PHF2: variants seen among roughly 807,000 people sequenced by gnomAD.
PHF2 encodes lysine-specific demethylase PHF2.
Under a neutral mutation model 120.5 loss-of-function variants are expected in PHF2, and 27 were observed. The observed-to-expected ratio is 0.22, with a 90% CI of 0.17 to 0.31. The LOEUF is 0.31. PHF2 is among the 10% of genes least tolerant of loss of function. The probability of loss-of-function intolerance (pLI) is 1.00; values close to 1 mark genes in which losing one functional copy is unlikely to be tolerated. For missense variants in PHF2, 1,024 were observed against 1,434.8 expected (o/e 0.71, Z 4.63); for synonymous variants, 568 against 592.5 (o/e 0.96, Z 0.60).
chr9:93,645,618 C>T lies in PHF2; in HGVS notation c.300-11C>T. ...GGCCCAATGTGGCCTCTGACCTGTG[C>T]TTCCCTGCAGTGCTGAAGACGTGGT... On this transcript the variant is annotated splice_polypyrimidine_tract_variant and intron_variant, in intron 3 of 21. Transcript: ENST00000359246. 6.4e-7 allele frequency: 1 copy of T among 1,572,602 alleles called. No homozygotes were observed. The highest frequency in any genetic ancestry group is 8.7e-7 in the Non-Finnish European group (1 of 1,155,532).
chr9:93,617,471 A>G (rs1825747381), intron 1 of PHF2, among the ~76,000 whole-genome samples: 2 of 152,158 alleles, frequency 1.3e-5, no homozygotes, highest in South Asian at 4.1e-4. Flanking sequence ...GGAGCAGGCT[A>G]CTTTCTTAGA....
intron 3 of PHF2, among the ~76,000 whole-genome samples, chr9:93,642,171 G>A (rs1826182110): frequency 6.6e-6 from 1 of 152,222 alleles, no homozygotes; most frequent in Non-Finnish European, 1.5e-5. Flanking sequence ...CCACCGTCTT[G>A]ACTGTAGGAG....
rs1258820874 is a variant in PHF2, at chr9:93,671,195, G to A, written c.2349-2390G>A. The A allele has an allele frequency of 8.2e-6, 8 of 976,056 alleles. 1 individual carries two copies. In the East Asian group the frequency reaches 9.1e-4, roughly 111 times the overall value. 60.5% of individuals were successfully genotyped at this position (976,056 alleles called of 1,614,324 possible). A position where few individuals can be genotyped will look rare whatever the true frequency, so the allele number is the denominator to read the frequency against. ...AGGTACAGGTGTAGATGCAGCTGTGGGTGTGGGAGTAGGCACAGGTGTAGT... is the reference window on the plus strand; with the variant it reads ...AGGTACAGGTGTAGATGCAGCTGTGAGTGTGGGAGTAGGCACAGGTGTAGT... On this transcript the variant is annotated intron_variant, in intron 17 of 21. Coordinates refer to ENST00000359246, the MANE Select transcript of PHF2 (RefSeq NM_005392.4).
chr9:93,661,471 A>G (rs773495021), intron 12 of PHF2, among the ~76,000 whole-genome samples: 1 of 152,148 alleles, frequency 6.6e-6, no homozygotes, highest in Non-Finnish European at 1.5e-5. Flanking sequence ...GGATGAATGA[A>G]TGAATCAGTG....
intron 1 of PHF2, among the ~76,000 whole-genome samples, chr9:93,611,306 T>C (rs1825629557): frequency 6.6e-6 from 1 of 151,538 alleles, no homozygotes; most frequent in African/African-American, 2.4e-5. Context: ...TCCCAGCTAC[T>C]CAGGAGCCTG....
intron 10 of PHF2, 82 bp downstream of exon 10, chr9:93,658,318 C>A: frequency 9.6e-7 from 1 of 1,040,204 alleles, no homozygotes; most frequent in Non-Finnish European, 1.5e-6. Context: ...GCAGCAATGT[C>A]CAGGACTTGT....
At chr9:93,579,423 C>T (rs1862893735) in intron 1 of PHF2, among the ~76,000 whole-genome samples, 1 of 152,172 alleles carries the variant, frequency 6.6e-6, no homozygotes, top group African/African-American at 2.4e-5. Flanking sequence ...CTTACCCAGC[C>T]ATGGGACCAG....
chr9:93,583,253 A>G (rs987395148), intron 1 of PHF2, among the ~76,000 whole-genome samples: 2 of 152,172 alleles, frequency 1.3e-5, no homozygotes, highest in African/African-American at 4.8e-5. Context: ...TGTTTCATTG[A>G]TTTTTATGGC....
intron 1 of PHF2, among the ~76,000 whole-genome samples, chr9:93,612,488 C>T (rs1825653316): frequency 6.6e-6 from 1 of 152,236 alleles, no homozygotes; most frequent in African/African-American, 2.4e-5. Flanking sequence ...TGACATTGCA[C>T]AGCTTCTCAT....
In PHF2 at chr9:93,676,656, C is replaced by T. The variant is rs1826917073; in HGVS notation, c.2895C>T (p.Ser965=). ...AKRKLTPNTT[S]PSTSTSISAG... is the part of the protein sequence containing the mutation. ...GGAAGCTGACTCCTAACACCACCTC[C>T]CCTTCCACCTCCACCTCCATCTCTG... Residue 965 remains serine (S), a synonymous_variant, in exon 21 of 22, where the codon TCC becomes TCT. Coordinates refer to ENST00000359246, the MANE Select transcript of PHF2 (RefSeq NM_005392.4). 2 of 1,603,494 alleles carry T rather than the reference C, an allele frequency of 1.2e-6. No homozygotes were observed. The highest frequency in any genetic ancestry group is 1.7e-5 in the Admixed American group (1 of 58,228).
At chr9:93,663,699 T>G in intron 14 of PHF2, 64 bp downstream of exon 14, 1 of 884,692 alleles carries the variant, frequency 1.1e-6, no homozygotes, top group South Asian at 1.5e-5. Context: ...ACACCATACA[T>G]ACTGCATCAC....
At chr9:93,583,311 A>C (rs2131596903) in intron 1 of PHF2, among the ~76,000 whole-genome samples, 1 of 152,322 alleles carries the variant, frequency 6.6e-6, no homozygotes, top group South Asian at 2.1e-4. Context: ...TCCATTCATC[A>C]GTGTATGGGC....
Position 93,660,392 on chromosome 9 carries a change from G to GCCCCCCCAA in PHF2, c.1535_1536insCCAACCCCC (p.Pro512_Lys513insGlnProPro). 1.1e-6 allele frequency: 1 copy of GCCCCCCCAA among 938,748 alleles called. No homozygotes were observed. The highest frequency in any genetic ancestry group is 1.4e-6 in the Non-Finnish European group (1 of 717,888). The allele number at this position is 938,748 out of a possible 1,614,324, so 58.2% of individuals were successfully genotyped here. On this transcript the variant is annotated inframe_insertion, in exon 12 of 22. Transcript: ENST00000359246. ...CATCCAAAATCCCCAAGCCCCCGAAGCCCCCTAAGCCCCCAAGGCCCCCCA... is the reference window on the plus strand; with the variant it reads ...CATCCAAAATCCCCAAGCCCCCGAAGCCCCCCCAACCCCCTAAGCCCCCAAGGCCCCCCA...
At chr9:93,633,598 G>T (rs1188594126) in intron 2 of PHF2, among the ~76,000 whole-genome samples, 1 of 152,208 alleles carries the variant, frequency 6.6e-6, no homozygotes, top group Non-Finnish European at 1.5e-5. Flanking sequence ...AGCAGGAGGG[G>T]CAGTAGACCT....
intron 12 of PHF2, among the ~76,000 whole-genome samples, 185 bp from the exon 13 acceptor site, chr9:93,662,718 AAATG>A (rs1366628842): frequency 1.4e-5 from 2 of 138,764 alleles, no homozygotes; most frequent in African/African-American, 5.3e-5. Flanking sequence ...ATGAATGAAT[AAATG>A]GATGGATGGA....
At chr9:93,671,982 G>T (rs1191340156) in intron 17 of PHF2, among the ~76,000 whole-genome samples, 1 of 140,414 alleles carries the variant, frequency 7.1e-6, no homozygotes, top group African/African-American at 2.7e-5. Flanking sequence ...GCAGATGTGG[G>T]TGTGGGAGTA....
intron 1 of PHF2, among the ~76,000 whole-genome samples, chr9:93,617,273 G>C (rs1317781007): frequency 6.6e-6 from 1 of 152,208 alleles, no homozygotes; most frequent in Non-Finnish European, 1.5e-5. Flanking sequence ...CATGAGCAGG[G>C]CTAGCAAGCA....
At chr9:93,603,717 T>G (rs1293528726) in intron 1 of PHF2, among the ~76,000 whole-genome samples, 1 of 152,172 alleles carries the variant, frequency 6.6e-6, no homozygotes, top group South Asian at 2.1e-4. Context: ...AGGTGCACAT[T>G]CACCTTTCTT....
In PHF2 at chr9:93,678,319, G is replaced by C. The variant is rs1260372207; in HGVS notation, c.*643G>C. On this transcript the variant is annotated 3_prime_UTR_variant, in exon 22 of 22. Coordinates refer to ENST00000359246, the MANE Select transcript of PHF2 (RefSeq NM_005392.4). ...GGGGGGCAGCTAAGACTGGCAGCTG[G>C]GTTGGTGTGTTAGCGGGCAGGGGAG... 6.6e-6 allele frequency: 1 copy of C among 152,642 alleles called. No individual in the cohort carries two copies. The highest frequency in any genetic ancestry group is 2.4e-5 in the African/African-American group (1 of 41,476). 9.5% of individuals were successfully genotyped at this position (152,642 alleles called of 1,614,324 possible). A position where few individuals can be genotyped will look rare whatever the true frequency, so the allele number is the denominator to read the frequency against.
Sources: allele counts gnomAD v4.1 joint callset (sites outside exome capture counted in the v4.1 genomes callset), GRCh38; gene constraint gnomAD v4.1.1; transcripts MANE v1.5; gene names NCBI Gene and HGNC (gene_info 2026-07-23, HGNC 2026-07-21).